STOX2: variants seen among roughly 807,000 people sequenced by gnomAD.
STOX2 encodes storkhead-box protein 2.
STOX2 carries 28 observed loss-of-function variants against 60.9 expected under a neutral mutation model. The observed-to-expected ratio is 0.46, with a 90% CI of 0.34 to 0.63. STOX2 has a LOEUF of 0.63. Ranked by LOEUF, STOX2 falls within the 30% of genes least tolerant of loss-of-function variation. The pLI, the probability that STOX2 is intolerant of heterozygous loss-of-function variation, is 0.01. For missense variants in STOX2, 1,024 were observed against 1,187.7 expected (o/e 0.86, Z 2.03); for synonymous variants, 472 against 463.9 (o/e 1.02, Z -0.22).
In STOX2 at chr4:183,951,119, G is replaced by A. The variant is rs199804711; in HGVS notation, c.166+44163G>A. ...TAGTCCCAGCTACTCGGGAGGCTGA[G>A]GCAGGAGAATGGGTGAACCCGGGAG... On this transcript the variant is annotated intron_variant, in intron 1 of 3. Coordinates refer to ENST00000308497, the MANE Select transcript of STOX2 (RefSeq NM_020225.3). 1.9e-4 allele frequency among the ~76,000 whole-genome samples: 28 copies of A among 151,140 alleles called. No homozygotes were observed. The East Asian group carries it at 4.1e-3, about 22-fold the overall frequency.
chr4:183,839,771 T>G (rs1739807292), intron 1 of STOX2, among the ~76,000 whole-genome samples: 1 of 152,214 alleles, frequency 6.6e-6, no homozygotes, highest in East Asian at 1.9e-4. Flanking sequence ...GTTGTTTTGG[T>G]TCCCATAAGT....
chr4:184,011,789 A>G lies in STOX2; in HGVS notation c.2585+366A>G, dbSNP rs1472486228. Among the ~76,000 whole-genome samples, 1 of 151,228 alleles carries G rather than the reference A, an allele frequency of 6.6e-6. No homozygotes were observed. Among genetic ancestry groups the G allele is most frequent in the Non-Finnish European group, 1.5e-5 (1 of 67,790 alleles). ...AATAGTAACTTTTTGAGTAGAATAA[A>G]TAGTCTGGGGGCGGGGGAGGAAGAT... On this transcript the variant is annotated intron_variant, in intron 3 of 3. Coordinates refer to ENST00000308497, the MANE Select transcript of STOX2 (RefSeq NM_020225.3). This position sits in a 1 kb window ranked among gnomAD's most constrained non-coding sequence, Gnocchi z 4.4.
At position 183,936,253 on chromosome 4, in the gene STOX2, C is replaced by G. The variant is rs562959205; in HGVS notation, c.166+29297C>G. 5.3e-5 allele frequency among the ~76,000 whole-genome samples: 8 copies of G among 152,290 alleles called. No individual in the cohort carries two copies. The South Asian group carries it at 1.0e-3, about 20-fold the overall frequency. On this transcript the variant is annotated intron_variant, in intron 1 of 3. Coordinates refer to ENST00000308497, the MANE Select transcript of STOX2 (RefSeq NM_020225.3). Reference sequence around the variant, plus strand: ...TTTTTTGCAGTCTGTGTGAAACCTTCGCTCTCATCTGTGCTGGGGAAGCTA... The same window carrying G: ...TTTTTTGCAGTCTGTGTGAAACCTTGGCTCTCATCTGTGCTGGGGAAGCTA...
At chr4:183,904,788 A>AC (rs979405236), upstream of STOX2, among the ~76,000 whole-genome samples, 4 of 152,034 alleles carry the variant, frequency 2.6e-5, no homozygotes, top group African/African-American at 7.3e-5. Context: ...GATAGTTGCT[A>AC]CCCCCCTCAA....
At chr4:183,967,849 G>T (rs992236280) in intron 1 of STOX2, among the ~76,000 whole-genome samples, 2 of 152,180 alleles carry the variant, frequency 1.3e-5, no homozygotes, top group Non-Finnish European at 2.9e-5. Flanking sequence ...TGCAAAGCTT[G>T]GGAAATGAAT....
At chr4:183,855,944 G>A (rs538044060) in intron 1 of STOX2, among the ~76,000 whole-genome samples, 3 of 152,248 alleles carry the variant, frequency 2.0e-5, no homozygotes, top group South Asian at 2.1e-4. Context: ...GTGCACATTC[G>A]GAGAATGCTC....
chr4:183,975,056 T>C (rs577554064), intron 1 of STOX2, among the ~76,000 whole-genome samples: 1 of 152,252 alleles, frequency 6.6e-6, no homozygotes, highest in South Asian at 2.1e-4. Context: ...GATAAATCTC[T>C]AAATACTAGG....
At chr4:183,940,100 G>T (rs1235938067) in intron 1 of STOX2, among the ~76,000 whole-genome samples, 3 of 152,116 alleles carry the variant, frequency 2.0e-5, no homozygotes, top group Non-Finnish European at 4.4e-5. Context: ...TCGGGGTTTC[G>T]CCATGCTGGA....
At chr4:183,819,910 A>G (rs954398334) in intron 1 of STOX2, among the ~76,000 whole-genome samples, 7 of 152,224 alleles carry the variant, frequency 4.6e-5, no homozygotes, top group Non-Finnish European at 1.0e-4. Flanking sequence ...TAGGGTAAGC[A>G]ATGTTCTGGA....
chr4:183,822,470 C>T (rs1205754943), intron 1 of STOX2, among the ~76,000 whole-genome samples: 1 of 152,126 alleles, frequency 6.6e-6, no homozygotes, highest in Non-Finnish European at 1.5e-5. Context: ...CAGTGGGAGC[C>T]CTGAGCTTGT....
intron 1 of STOX2, among the ~76,000 whole-genome samples, chr4:183,923,204 C>T (rs747277016): frequency 2.0e-5 from 3 of 152,162 alleles, no homozygotes; most frequent in African/African-American, 2.4e-5. Flanking sequence ...ACCACCAAAC[C>T]GTTTTTCACA....
chr4:183,887,005 T>A (rs1387373142), intron 1 of STOX2, among the ~76,000 whole-genome samples: 1 of 152,150 alleles, frequency 6.6e-6, no homozygotes. Flanking sequence ...ATGCCTGTAA[T>A]CCCAGAACTT....
intron 1 of STOX2, among the ~76,000 whole-genome samples, chr4:183,813,564 G>A (rs1739087847): frequency 6.6e-6 from 1 of 152,150 alleles, no homozygotes; most frequent in Non-Finnish European, 1.5e-5. Flanking sequence ...CTTGGTATCT[G>A]ATCCTCTGTA....
At chr4:183,868,127 G>A (rs991874540) in intron 1 of STOX2, among the ~76,000 whole-genome samples, 25 of 151,990 alleles carry the variant, frequency 1.6e-4, no homozygotes, top group Non-Finnish European at 3.4e-4. Context: ...GAAGCCTCTC[G>A]GTGGCATCTG....
chr4:183,917,709 T>A (rs1045051930), intron 1 of STOX2, among the ~76,000 whole-genome samples: 12 of 152,236 alleles, frequency 7.9e-5, no homozygotes, highest in African/African-American at 2.9e-4. Context: ...ACAGTGAAGA[T>A]GGCCATAGTG....
intron 1 of STOX2, among the ~76,000 whole-genome samples, chr4:183,934,247 G>A (rs1257612842): frequency 2.0e-5 from 3 of 152,152 alleles, no homozygotes; most frequent in Non-Finnish European, 4.4e-5. Context: ...AGGTTGTAGT[G>A]AGCTGAGGTC....
chr4:183,995,291 C>CTTTTTTTTTTTT (rs61681165), intron 1 of STOX2, among the ~76,000 whole-genome samples: 7 of 79,446 alleles, frequency 8.8e-5, no homozygotes, highest in Admixed American at 1.5e-4. Flanking sequence ...TTATTTTAGT[C>CTTTTTTTTTTTT]TTTTTTTTTT....
chr4:183,830,579 G>C (rs1399655303), intron 1 of STOX2, among the ~76,000 whole-genome samples: 1 of 152,174 alleles, frequency 6.6e-6, no homozygotes, highest in Non-Finnish European at 1.5e-5. Context: ...GATGTGCCCA[G>C]GGCTGGTCTG....
intron 1 of STOX2, among the ~76,000 whole-genome samples, chr4:183,800,403 A>G (rs984718792): frequency 6.6e-6 from 1 of 152,216 alleles, no homozygotes. Flanking sequence ...GAATCGATCT[A>G]CTGCTAAACG....
Sources: gnomAD v4.1 joint callset for allele counts (sites outside exome capture counted in the v4.1 genomes callset) on GRCh38, gnomAD v4.1.1 for gene constraint, Gnocchi (gnomAD v3.1) non-coding constraint, MANE v1.5 for transcripts, NCBI Gene and HGNC (gene_info 2026-07-23, HGNC 2026-07-21) for gene names.